SYNDIG1L: variants seen among roughly 807,000 people sequenced by gnomAD.
The protein encoded by SYNDIG1L is synapse differentiation-inducing gene protein 1-like.
In SYNDIG1L, 13 loss-of-function variants were observed where a neutral mutation model predicts 20.1. That is an observed-to-expected ratio of 0.65 (90% CI 0.42 to 1.03). The LOEUF (loss-of-function observed/expected upper bound fraction) is 1.03. Ranked by LOEUF, SYNDIG1L falls within the 50% of genes least tolerant of loss-of-function variation. The probability of loss-of-function intolerance (pLI) is 0.00; values close to 1 mark genes in which losing one functional copy is unlikely to be tolerated. For synonymous variants in SYNDIG1L, 128 were observed against 129.3 expected (o/e 0.99, Z 0.07); for missense variants, 294 against 305.1 (o/e 0.96, Z 0.27).
the SYNDIG1L span, among the ~76,000 whole-genome samples, chr14:74,452,383 T>C: frequency 2.6e-5 from 4 of 152,158 alleles, no homozygotes; most frequent in African/African-American, 4.8e-5. Flanking sequence ...TGGTAGGAGA[T>C]GATTGAATTA....
At chr14:74,457,333 C>A in the SYNDIG1L span, among the ~76,000 whole-genome samples, 3 of 152,078 alleles carry the variant, frequency 2.0e-5, no homozygotes, top group African/African-American at 4.8e-5. Context: ...AGCTCCTTCT[C>A]CCCTAGCAGG....
At chr14:74,431,444 T>G in the SYNDIG1L span, among the ~76,000 whole-genome samples, 60 of 152,148 alleles carry the variant, frequency 3.9e-4, no homozygotes, top group Non-Finnish European at 8.1e-4. Flanking sequence ...GTTATACTCT[T>G]TGGTCCAGGA....
rs552670675 is a variant in SYNDIG1L at position 74,405,991 on chromosome 14, G to A, written c.*1544C>T. On this transcript the variant is annotated 3_prime_UTR_variant, in exon 4 of 4. Transcript: ENST00000331628. ...AGGAGTGGAGGGCTGGGCAGTGCCC[G>A]AGGCAGGGGAGGACAGTGGGACAAG... 3.0e-5 allele frequency: 12 copies of A among 398,856 alleles called. No individual in the cohort carries two copies. Among genetic ancestry groups the A allele is most frequent in the South Asian group, 1.3e-4 (1 of 7,864 alleles). 24.7% of individuals were successfully genotyped at this position (398,856 alleles called of 1,614,324 possible). A position where few individuals can be genotyped will look rare whatever the true frequency, so the allele number is the denominator to read the frequency against.
At chr14:74,468,783 C>T in the SYNDIG1L span, among the ~76,000 whole-genome samples, 1 of 152,176 alleles carries the variant, frequency 6.6e-6, no homozygotes, top group African/African-American at 2.4e-5. Flanking sequence ...GATAGCTTTA[C>T]CTCCTCCTGC....
At chr14:74,430,692 C>G (rs1231615538), upstream of SYNDIG1L, among the ~76,000 whole-genome samples, 1 of 152,124 alleles carries the variant, frequency 6.6e-6, no homozygotes, top group Non-Finnish European at 1.5e-5. Context: ...GCCTTGGCCT[C>G]CCAAAGTGTT....
chr14:74,411,007 C>CA (rs754195292), intron 1 of SYNDIG1L, among the ~76,000 whole-genome samples: 4 of 152,126 alleles, frequency 2.6e-5, no homozygotes, highest in Non-Finnish European at 5.9e-5. Flanking sequence ...TAAACCCCCC[C>CA]AACACACTGG....
At chr14:74,454,459 G>A in the SYNDIG1L span, among the ~76,000 whole-genome samples, 10 of 152,212 alleles carry the variant, frequency 6.6e-5, no homozygotes, top group Admixed American at 6.5e-4. Context: ...CAGGTATGCA[G>A]TGTAAGAGCA....
At chr14:74,457,366 C>A in the SYNDIG1L span, among the ~76,000 whole-genome samples, 1 of 151,984 alleles carries the variant, frequency 6.6e-6, no homozygotes, top group African/African-American at 2.4e-5. Flanking sequence ...TGCTTTGGGT[C>A]AATAAGCCAT....
At chr14:74,443,992 T>C in the SYNDIG1L span, among the ~76,000 whole-genome samples, 3 of 152,246 alleles carry the variant, frequency 2.0e-5, no homozygotes, top group Non-Finnish European at 4.4e-5. Context: ...GAGCCCTGTG[T>C]AATTTAGCAA....
At chr14:74,477,647 C>G in the SYNDIG1L span, among the ~76,000 whole-genome samples, 1 of 152,134 alleles carries the variant, frequency 6.6e-6, no homozygotes, top group African/African-American at 2.4e-5. Flanking sequence ...TGACTGAATA[C>G]TAGTCTTCAT....
the SYNDIG1L span, among the ~76,000 whole-genome samples, chr14:74,451,713 C>T: frequency 2.6e-4 from 39 of 152,190 alleles, no homozygotes; most frequent in Admixed American, 2.2e-3. Context: ...TTCTGTAGGC[C>T]GGGTACGGTG....
chr14:74,416,234 G>C (rs958412751), intron 1 of SYNDIG1L, among the ~76,000 whole-genome samples: 1 of 150,988 alleles, frequency 6.6e-6, no homozygotes, highest in Non-Finnish European at 1.5e-5. Flanking sequence ...TCTATCTCTT[G>C]GTTGTGGTAG....
chr14:74,410,555 C>T (rs2086122565), intron 1 of SYNDIG1L, among the ~76,000 whole-genome samples: 1 of 152,030 alleles, frequency 6.6e-6, no homozygotes, highest in African/African-American at 2.4e-5. Flanking sequence ...CCGACTGACC[C>T]CATTAGGGGG....
chr14:74,458,969 T>TG, the SYNDIG1L span, among the ~76,000 whole-genome samples: 28 of 152,020 alleles, frequency 1.8e-4, no homozygotes, highest in Admixed American at 1.8e-3. Context: ...GTCGGGGCTG[T>TG]GGGCAATGTG....
chr14:74,474,363 G>C, the SYNDIG1L span: 1 of 152,200 alleles, frequency 6.6e-6, no homozygotes, highest in South Asian at 2.1e-4. Context: ...TAGCTCTTTG[G>C]GCCTTGTTCC....
chr14:74,468,313 G>A, the SYNDIG1L span, among the ~76,000 whole-genome samples: 1 of 152,136 alleles, frequency 6.6e-6, no homozygotes, highest in East Asian at 1.9e-4. Flanking sequence ...TGCTTCGCAG[G>A]CATTACTCGT....
the SYNDIG1L span, among the ~76,000 whole-genome samples, chr14:74,446,463 T>C: frequency 5.3e-5 from 8 of 152,024 alleles, no homozygotes; most frequent in Admixed American, 4.6e-4. Flanking sequence ...GGAGGAAACA[T>C]AAAAAGAATG....
At position 74,424,532 on chromosome 14, in the gene SYNDIG1L, A is replaced by G. The variant is rs1295713052; in HGVS notation, c.-58+1380T>C. 2.0e-5 allele frequency among the ~76,000 whole-genome samples: 3 copies of G among 152,166 alleles called. No individual in the cohort carries two copies. In the East Asian group the frequency reaches 5.8e-4, roughly 29 times the overall value. ...TGGTTCTTAGGGAGAAAAAATAAAA[A>G]CCGGTGAGTCAGACTCTTACCTTAT... is the stretch of plus-strand genomic sequence containing the variant. On this transcript the variant is annotated intron_variant, in intron 1 of 3. Coordinates refer to ENST00000331628, the MANE Select transcript of SYNDIG1L (RefSeq NM_001105579.2).
chr14:74,424,295 C>A (rs1195362416), intron 1 of SYNDIG1L, among the ~76,000 whole-genome samples: 1 of 152,208 alleles, frequency 6.6e-6, no homozygotes, highest in East Asian at 1.9e-4. Flanking sequence ...CTGCCTGAGA[C>A]AGCGGCGGAT....
Sources: gnomAD v4.1 joint callset for allele counts (sites outside exome capture counted in the v4.1 genomes callset) on GRCh38, gnomAD v4.1.1 for gene constraint, MANE v1.5 for transcripts, NCBI Gene and HGNC (gene_info 2026-07-23, HGNC 2026-07-21) for gene names.